Variants in CRYBG1 observed in about 807,000 individuals in gnomAD.
The protein encoded by CRYBG1 is crystallin beta-gamma domain containing 1, also known as beta/gamma crystallin domain-containing protein 1.
CRYBG1 carries 139 observed loss-of-function variants against 189.2 expected under a neutral mutation model. The observed-to-expected ratio is 0.73, with a 90% CI of 0.64 to 0.85. The LOEUF (loss-of-function observed/expected upper bound fraction) is 0.85, where lower values mean the gene tolerates loss of function less well. Ranked by LOEUF, CRYBG1 falls within the 40% of genes least tolerant of loss-of-function variation. The pLI is 0.00. For synonymous variants in CRYBG1, 1,023 were observed against 1,017.1 expected, an observed-to-expected ratio of 1.01 and a Z score of -0.11; for missense variants, 2,611 against 2,675.8, an observed-to-expected ratio of 0.98 and a Z score of 0.53.
At chr6:106,506,771 A>G (rs755072394) in intron 2 of CRYBG1, among the ~76,000 whole-genome samples, 53 of 152,154 alleles carry the variant, frequency 3.5e-4, no homozygotes, top group Admixed American at 1.4e-3. Context: ...TTAAAGATAT[A>G]AACAGATTAT....
intron 8 of CRYBG1, among the ~76,000 whole-genome samples, chr6:106,533,777 G>T (rs1168945405): frequency 6.6e-6 from 1 of 152,196 alleles, no homozygotes; most frequent in African/African-American, 2.4e-5. Context: ...CTCAGTTTTG[G>T]ACAGGTTAAG....
intron 1 of CRYBG1, among the ~76,000 whole-genome samples, chr6:106,431,516 A>G (rs1046166448): frequency 6.6e-6 from 1 of 152,246 alleles, no homozygotes; most frequent in African/African-American, 2.4e-5. Flanking sequence ...AAAAAAAATA[A>G]GATGAGATTA....
intron 1 of CRYBG1, among the ~76,000 whole-genome samples, chr6:106,432,924 C>G (rs1771361764): frequency 6.7e-6 from 1 of 149,772 alleles, no homozygotes; most frequent in South Asian, 2.1e-4. Flanking sequence ...ACTGCAACCT[C>G]TGTCTCCTGG....
Position 106,551,926 on chromosome 6 carries a change from AG to A in CRYBG1, c.5389del (p.Asp1797ThrfsTer107). On this transcript the variant is annotated frameshift_variant, in exon 14 of 22. Coordinates refer to ENST00000633556, the MANE Select transcript of CRYBG1 (RefSeq NM_001371242.2). LOFTEE classifies it high-confidence loss of function. ...ILDKGFYTSF[E>X]DWGGKNCKIS... is the part of the protein sequence containing the mutation. The stretch of plus-strand genomic sequence containing the variant: ...GATAAAGGATTTTATACCAGTTTTG[AG>A]GACTGGGGAGGCAAAAATTGTAAGA... 6.2e-7 allele frequency: 1 copy of A among 1,611,144 alleles called. No individual in the cohort carries two copies. Among genetic ancestry groups the A allele is most frequent in the South Asian group, 1.1e-5 (1 of 90,954 alleles).
intron 2 of CRYBG1, among the ~76,000 whole-genome samples, chr6:106,509,348 T>C (rs1470066013): frequency 6.6e-6 from 1 of 152,250 alleles, no homozygotes; most frequent in Non-Finnish European, 1.5e-5. Flanking sequence ...ACTTGTAAAA[T>C]AATCCAAATG....
Position 106,569,822 on chromosome 6 carries a change from T to G in CRYBG1, c.*1256T>G, listed in dbSNP as rs1023631995. 1 of 152,110 alleles carries G rather than the reference T, an allele frequency of 6.6e-6. No homozygotes were observed. Among genetic ancestry groups the G allele is most frequent in the Non-Finnish European group, 1.5e-5 (1 of 68,026 alleles). The allele number at this position is 152,110 out of a possible 1,614,324, so 9.4% of individuals were successfully genotyped here. A position where few individuals can be genotyped will look rare whatever the true frequency, so the allele number is the denominator to read the frequency against. ...ATAGCTGTTGGTGGACAGCCTCAGG[T>G]CTTGGGGGCACTATAGCCACTAAAC... On this transcript the variant is annotated 3_prime_UTR_variant, in exon 22 of 22. Transcript: ENST00000633556.
At chr6:106,521,546 G>T (rs1275728312) in intron 4 of CRYBG1, 93 bp downstream of exon 4, 4 of 1,353,362 alleles carry the variant, frequency 3.0e-6, no homozygotes, top group Non-Finnish European at 4.0e-6. Context: ...TTTAGAAATG[G>T]TTAAGCTTAT....
intron 2 of CRYBG1, among the ~76,000 whole-genome samples, chr6:106,489,787 C>CAAAA (rs10593320): frequency 7.1e-4 from 57 of 80,626 alleles, no homozygotes; most frequent in Non-Finnish European, 1.1e-3. Context: ...ACTCTGTGTC[C>CAAAA]AAAAAAAAAA....
At chr6:106,438,597 A>G (rs1454174061) in intron 1 of CRYBG1, among the ~76,000 whole-genome samples, 1 of 152,170 alleles carries the variant, frequency 6.6e-6, no homozygotes, top group Non-Finnish European at 1.5e-5. Context: ...ATAAGCAAAT[A>G]GTAAATCCAT....
At chr6:106,447,978 G>T (rs1771699357) in intron 1 of CRYBG1, among the ~76,000 whole-genome samples, 1 of 152,200 alleles carries the variant, frequency 6.6e-6, no homozygotes, top group Non-Finnish European at 1.5e-5. Flanking sequence ...ACATTGTGAA[G>T]GTTGTGTTTC....
intron 1 of CRYBG1, among the ~76,000 whole-genome samples, chr6:106,430,695 G>A (rs1357204526): frequency 6.6e-6 from 1 of 151,716 alleles, no homozygotes; most frequent in Admixed American, 6.6e-5. Context: ...TTGTCTGTTG[G>A]GTTCAAAGTT....
At chr6:106,433,784 T>TAA (rs1562305918) in intron 1 of CRYBG1, among the ~76,000 whole-genome samples, 1 of 136,732 alleles carries the variant, frequency 7.3e-6, no homozygotes, top group African/African-American at 2.7e-5. Context: ...TATATATATA[T>TAA]AAACATACAC....
chr6:106,518,337 A>C (rs1173613364), intron 3 of CRYBG1, among the ~76,000 whole-genome samples: 4 of 152,254 alleles, frequency 2.6e-5, no homozygotes, highest in Admixed American at 2.6e-4. Context: ...AAAATATCCA[A>C]AGCGGTCAAT....
At position 106,544,675 on chromosome 6, in the gene CRYBG1, A is replaced by G. The variant is rs1187010306; in HGVS notation, c.5144A>G (p.Gln1715Arg). 1 of 1,613,974 alleles carries G rather than the reference A, an allele frequency of 6.2e-7. No homozygotes were observed. Among genetic ancestry groups the G allele is most frequent in the African/African-American group, 1.3e-5 (1 of 74,942 alleles). The change falls in exon 12 of 22, where the codon CAG (glutamine) becomes CGG (arginine). Residue 1715 changes from glutamine (Q) to arginine (R), a missense_variant. Transcript: ENST00000633556. The part of the protein sequence containing the change: ...KAWGGYNGEL[Q>R]SLRPILGDFS... ...TGGGGAGGTTACAATGGAGAGCTTC[A>G]GTCTTTACGACCTATATTAGGTGTA... is the stretch of plus-strand genomic sequence containing the variant.
intron 2 of CRYBG1, among the ~76,000 whole-genome samples, chr6:106,462,205 C>G (rs547470810): frequency 6.6e-6 from 1 of 152,240 alleles, no homozygotes; most frequent in Non-Finnish European, 1.5e-5. Flanking sequence ...GAGTCTCGCT[C>G]TGTCGCCCAG....
chr6:106,542,096 G>C (rs1774142810), intron 10 of CRYBG1, among the ~76,000 whole-genome samples: 1 of 150,678 alleles, frequency 6.6e-6, no homozygotes, highest in African/African-American at 2.4e-5. Flanking sequence ...CTTCTATGTG[G>C]TTCTAAATAT....
chr6:106,394,979 C>T (rs1442044783), intron 1 of CRYBG1, among the ~76,000 whole-genome samples: 1 of 151,344 alleles, frequency 6.6e-6, no homozygotes, highest in Non-Finnish European at 1.5e-5. Context: ...TCTCAGCCTC[C>T]CAAGTAGCTG....
chr6:106,517,091 C>T lies in CRYBG1; in HGVS notation c.1923-2040C>T, dbSNP rs145431888. 3.3e-4 allele frequency among the ~76,000 whole-genome samples: 49 copies of T among 148,076 alleles called. No homozygotes were observed. The East Asian group carries it at 8.7e-3, about 26-fold the overall frequency. ...GTGGCATGACCATAGCTCACTGCAG[C>T]CTTGATCTTCTGGACTCAAGTGATC... On this transcript the variant is annotated intron_variant, in intron 3 of 21. Coordinates refer to ENST00000633556, the MANE Select transcript of CRYBG1 (RefSeq NM_001371242.2).
At chr6:106,540,758 A>G (rs553275790) in intron 9 of CRYBG1, among the ~76,000 whole-genome samples, 1 of 151,404 alleles carries the variant, frequency 6.6e-6, no homozygotes, top group African/African-American at 2.4e-5. Flanking sequence ...ATTATAGTTC[A>G]TTTGGTGCCT....
Sources: allele counts gnomAD v4.1 joint callset (sites outside exome capture counted in the v4.1 genomes callset), GRCh38; gene constraint gnomAD v4.1.1; transcripts MANE v1.5; gene names NCBI Gene and HGNC (gene_info 2026-07-23, HGNC 2026-07-21).